GPM6A: variants seen among roughly 807,000 people sequenced by gnomAD.
GPM6A encodes the protein glycoprotein M6A.
A neutral mutation model predicts 32.1 loss-of-function variants in GPM6A; 7 were observed. That is an observed-to-expected ratio of 0.22 (90% CI 0.12 to 0.41). The LOEUF (loss-of-function observed/expected upper bound fraction) is 0.41. GPM6A is among the 10% of genes least tolerant of loss of function. The probability of loss-of-function intolerance (pLI) is 1.00; values close to 1 mark genes in which losing one functional copy is unlikely to be tolerated. For missense variants in GPM6A, 235 were observed against 347.2 expected, an observed-to-expected ratio of 0.68 and a Z score of 2.57; for synonymous variants, 130 against 123.4, an observed-to-expected ratio of 1.05 and a Z score of -0.35.
At chr4:175,717,782 A>G (rs1745914682) in intron 1 of GPM6A, among the ~76,000 whole-genome samples, 1 of 152,232 alleles carries the variant, frequency 6.6e-6, no homozygotes, top group Non-Finnish European at 1.5e-5. Flanking sequence ...CTTGGTTAAT[A>G]TGATAAAGAA....
At chr4:175,785,392 C>A (rs1291136960) in intron 1 of GPM6A, among the ~76,000 whole-genome samples, 1 of 152,138 alleles carries the variant, frequency 6.6e-6, no homozygotes, top group Non-Finnish European at 1.5e-5. Flanking sequence ...ATCAGACAAC[C>A]CACATAACTG....
chr4:175,680,986 T>A (rs576201131), intron 2 of GPM6A, among the ~76,000 whole-genome samples: 1 of 152,350 alleles, frequency 6.6e-6, no homozygotes, highest in East Asian at 1.9e-4. Context: ...TTACACACTA[T>A]CATTTATTCA....
At chr4:175,895,371 T>C (rs1265904928) in intron 1 of GPM6A, among the ~76,000 whole-genome samples, 1 of 152,164 alleles carries the variant, frequency 6.6e-6, no homozygotes, top group African/African-American at 2.4e-5. Context: ...AAAGTAATAC[T>C]GATATAAACA....
At chr4:175,998,646 T>C (rs764592604) in intron 1 of GPM6A, among the ~76,000 whole-genome samples, 13 of 152,208 alleles carry the variant, frequency 8.5e-5, no homozygotes, top group Non-Finnish European at 1.6e-4. Flanking sequence ...CCTAATTTTA[T>C]AGATTTTTCA....
In GPM6A at chr4:175,640,887, GA is replaced by G. The variant is rs1244606970; in HGVS notation, c.542-59del. The G allele has an allele frequency of 2.8e-6, 3 of 1,082,616 alleles. No homozygotes were observed. The African/African-American group carries it at 4.8e-5, about 17-fold the overall frequency. 67.1% of individuals were successfully genotyped at this position (1,082,616 alleles called of 1,614,324 possible). ...ATAAATGTTTTGAAGAGCCAAGAGA[GA>G]AAAAAATGAGTTTTTGCTAATCAAA... On this transcript the variant is annotated intron_variant, in intron 4 of 6. Transcript: ENST00000393658.
intron 3 of GPM6A, among the ~76,000 whole-genome samples, chr4:175,655,683 CTGTT>C (rs1454408219): frequency 6.6e-6 from 1 of 151,930 alleles, no homozygotes; most frequent in Non-Finnish European, 1.5e-5. Context: ...TTCATAATAT[CTGTT>C]TGGGAAACAT....
intron 1 of GPM6A, among the ~76,000 whole-genome samples, chr4:175,734,035 C>T (rs1174657216): frequency 2.6e-5 from 4 of 151,944 alleles, no homozygotes; most frequent in African/African-American, 9.7e-5. Context: ...TTCAATTTGA[C>T]TTCCACGATC....
chr4:175,836,651 AAGGC>A, intron 1 of GPM6A, among the ~76,000 whole-genome samples: 1 of 152,296 alleles, frequency 6.6e-6, no homozygotes, highest in African/African-American at 2.4e-5. Flanking sequence ...CAAATTTCCT[AAGGC>A]AGGAATATGT....
At chr4:175,928,168 T>C (rs1738909668) in intron 1 of GPM6A, among the ~76,000 whole-genome samples, 1 of 152,202 alleles carries the variant, frequency 6.6e-6, no homozygotes, top group African/African-American at 2.4e-5. Context: ...GAAGTGAGCA[T>C]TTTTCTCTTT....
intron 1 of GPM6A, among the ~76,000 whole-genome samples, chr4:175,919,933 C>A (rs1337896508): frequency 6.6e-6 from 1 of 152,216 alleles, no homozygotes; most frequent in Non-Finnish European, 1.5e-5. Context: ...TGGTTCAAAT[C>A]ATTATCTCCT....
intron 1 of GPM6A, among the ~76,000 whole-genome samples, chr4:175,834,483 G>A (rs1735705506): frequency 6.6e-6 from 1 of 152,166 alleles, no homozygotes; most frequent in South Asian, 2.1e-4. Flanking sequence ...GACCTTCACA[G>A]ACTGATTTTC....
chr4:175,777,013 A>G (rs767295117), intron 1 of GPM6A, among the ~76,000 whole-genome samples: 1 of 152,232 alleles, frequency 6.6e-6, no homozygotes, highest in Non-Finnish European at 1.5e-5. Flanking sequence ...GTGTGCACGT[A>G]TTTTAATAAC....
intron 1 of GPM6A, among the ~76,000 whole-genome samples, chr4:175,984,607 T>C (rs1243679150): frequency 6.6e-6 from 1 of 152,206 alleles, no homozygotes; most frequent in African/African-American, 2.4e-5. Context: ...GTGCTTTACA[T>C]TTTGATATGG....
chr4:175,633,470 A>G lies in GPM6A; in HGVS notation c.*1435T>C, dbSNP rs973816114. On this transcript the variant is annotated 3_prime_UTR_variant, in exon 7 of 7. Coordinates refer to ENST00000393658, the MANE Select transcript of GPM6A (RefSeq NM_201591.3). ...TTGTTTCACTCAATAAATTTTTATT[A>G]GAAATGCAGTTACACTGAGAAAGGA... The G allele has an allele frequency of 2.6e-5, 4 of 152,472 alleles. No homozygotes were observed. The highest frequency in any genetic ancestry group is 9.7e-5 in the African/African-American group (4 of 41,444). 9.4% of individuals were successfully genotyped at this position (152,472 alleles called of 1,614,324 possible).
At chr4:175,727,447 T>A (rs13142801) in intron 1 of GPM6A, among the ~76,000 whole-genome samples, 38,085 of 152,138 alleles carry the variant, frequency 0.25, 4,871 homozygotes, top group Non-Finnish European at 0.27. Context: ...TTGTCTGTAT[T>A]CATTCAATAT....
chr4:175,835,637 A>G (rs1268940162), intron 1 of GPM6A, among the ~76,000 whole-genome samples: 1 of 146,820 alleles, frequency 6.8e-6, no homozygotes, highest in Non-Finnish European at 1.5e-5. Context: ...GTATATATAT[A>G]TATATATATA....
chr4:175,998,485 T>C (rs1741378837), intron 1 of GPM6A, among the ~76,000 whole-genome samples: 1 of 152,204 alleles, frequency 6.6e-6, no homozygotes, highest in Non-Finnish European at 1.5e-5. Flanking sequence ...ACATTTCAAA[T>C]ATGAAATTAA....
chr4:175,864,827 C>A (rs1393385918), intron 1 of GPM6A, among the ~76,000 whole-genome samples: 1 of 150,948 alleles, frequency 6.6e-6, no homozygotes, highest in Non-Finnish European at 1.5e-5. Flanking sequence ...CTTTTTTCTT[C>A]TTTTCTTTTT....
chr4:175,801,180 A>T (rs1306667001), intron 1 of GPM6A, among the ~76,000 whole-genome samples: 1 of 152,140 alleles, frequency 6.6e-6, no homozygotes. Context: ...TGACCTCACA[A>T]GGATTTTGGA....
Sources: allele counts gnomAD v4.1 joint callset (sites outside exome capture counted in the v4.1 genomes callset), GRCh38; gene constraint gnomAD v4.1.1; transcripts MANE v1.5; gene names NCBI Gene and HGNC (gene_info 2026-07-23, HGNC 2026-07-21).